Variants in DIS3L observed in about 807,000 individuals in gnomAD.
DIS3L encodes the protein DIS3 like exosome 3'-5' exoribonuclease.
DIS3L carries 100 observed loss-of-function variants against 120.3 expected under a neutral mutation model. That is an observed-to-expected ratio of 0.83 (90% CI 0.71 to 0.98). DIS3L has a LOEUF of 0.98. Ranked by LOEUF, DIS3L falls within the 50% of genes least tolerant of loss-of-function variation. The pLI is 0.00. For missense variants in DIS3L, 1,196 were observed against 1,314.2 expected (o/e 0.91, Z 1.39); for synonymous variants, 426 against 470.6 (o/e 0.91, Z 1.23).
Position 66,322,914 on chromosome 15 carries a change from T to C in DIS3L, c.1554T>C (p.Ile518=). 6.2e-7 allele frequency: 1 copy of C among 1,614,142 alleles called. No homozygotes were observed. Among genetic ancestry groups the C allele is most frequent in the Non-Finnish European group, 8.5e-7 (1 of 1,180,024 alleles). The stretch of plus-strand genomic sequence containing the variant: ...ACTTTGTGGCACCAAATTCTTACAT[T>C]GATATTGAAGCTAGAACAAGGTAAT... ...VTHFVAPNSY[I]DIEARTRATT... The change falls in exon 10 of 17, where the codon ATT becomes ATC. Residue 518 remains isoleucine (I), a synonymous_variant. Coordinates refer to ENST00000319212, the MANE Select transcript of DIS3L (RefSeq NM_001143688.3).
In DIS3L at chr15:66,329,133, T is replaced by C. The variant is rs1419198079; in HGVS notation, c.2356+9T>C. The C allele has an allele frequency of 1.2e-6, 2 of 1,607,490 alleles. No individual in the cohort carries two copies. Among genetic ancestry groups the C allele is most frequent in the African/African-American group, 1.3e-5 (1 of 74,608 alleles). On this transcript the variant is annotated intron_variant, in intron 13 of 16. Coordinates refer to ENST00000319212, the MANE Select transcript of DIS3L (RefSeq NM_001143688.3). The stretch of plus-strand genomic sequence containing the variant: ...GGAGTTCCATCATTACGGTGAATCA[T>C]ACCATATTCCTATGTGTGGCTGTAA...
At chr15:66,327,737 C>CT (rs1267971653) in intron 12 of DIS3L, among the ~76,000 whole-genome samples, 1 of 151,786 alleles carries the variant, frequency 6.6e-6, no homozygotes, top group Non-Finnish European at 1.5e-5. Context: ...GAGCGAGACT[C>CT]TGTCTCAAAA....
At position 66,318,503 on chromosome 15, in the gene DIS3L, C is replaced by T. The variant is rs949685611; in HGVS notation, c.1049C>T (p.Pro350Leu). ...TGGCGGGATTATGTGGTGACATTTC[C>T]GTCCAAAGAAGAGGTCCAATCTCAG... ...KNWRDYVVTF[P>L]SKEEVQSQGK... The change falls in exon 8 of 17, where the codon CCG (proline) becomes CTG (leucine). Residue 350 changes from proline (P) to leucine (L), a missense_variant. Physicochemically the swap from Pro to Leu is moderately conservative, Grantham distance 98. Coordinates refer to ENST00000319212, the MANE Select transcript of DIS3L (RefSeq NM_001143688.3). The T allele has an allele frequency of 1.1e-5, 18 of 1,613,834 alleles. No individual in the cohort carries two copies. Among genetic ancestry groups the T allele is most frequent in the African/African-American group, 4.0e-5 (3 of 74,854 alleles).
In DIS3L at chr15:66,329,395, A is replaced by AC. The variant is rs753740298; in HGVS notation, c.2533dup (p.Gln845ProfsTer12). The AC allele has an allele frequency of 3.8e-6, 6 of 1,597,756 alleles. No individual in the cohort carries two copies. The highest frequency in any genetic ancestry group is 1.8e-5 in the Admixed American group (1 of 55,822). On this transcript the variant is annotated frameshift_variant, in exon 14 of 17. Coordinates refer to ENST00000319212, the MANE Select transcript of DIS3L (RefSeq NM_001143688.3). LOFTEE classifies it high-confidence loss of function. ...TTATGCAGACATATCAACAACAGAA[A>AC]CCAAGTAAGAGGGAATTTCAAAATT...
intron 15 of DIS3L, among the ~76,000 whole-genome samples, chr15:66,332,500 G>GTGTGTGTA (rs2093010757): frequency 2.2e-5 from 3 of 134,174 alleles, no homozygotes; most frequent in Non-Finnish European, 3.4e-5. Flanking sequence ...GTGTGTGTGT[G>GTGTGTGTA]TGTGTGTGTG....
chr15:66,315,145 C>T lies in DIS3L; in HGVS notation c.924C>T (p.Thr308=), dbSNP rs140715812. The change falls in exon 7 of 17, where the codon ACC becomes ACT. Residue 308 remains threonine, a synonymous_variant. Transcript: ENST00000319212. ...CTAAAAATGAATGGAAAGGAAGAAC[C>T]GTAGCCCTGTGTGAGAATGACTGTG... is the stretch of plus-strand genomic sequence containing the variant. ...LLPKNEWKGR[T]VALCENDCDD... 3.1e-6 allele frequency: 5 copies of T among 1,613,922 alleles called. No homozygotes were observed. The highest frequency in any genetic ancestry group is 2.2e-5 in the East Asian group (1 of 44,894).
chr15:66,307,090 C>CTTA, intron 3 of DIS3L, 138 bp downstream of exon 3: 1 of 1,103,462 alleles, frequency 9.1e-7, no homozygotes, highest in Non-Finnish European at 1.3e-6. Flanking sequence ...CACCGAAATG[C>CTTA]TTACCATGTC....
At position 66,323,547 on chromosome 15, in the gene DIS3L, CAG is replaced by C; in HGVS notation, c.1630_1631del (p.Ser544CysfsTer11). 6.2e-7 allele frequency: 1 copy of C among 1,614,274 alleles called. No homozygotes were observed. Among genetic ancestry groups the C allele is most frequent in the South Asian group, 1.1e-5 (1 of 91,092 alleles). Reference sequence around the variant, plus strand: ...GCTATGACATGCTGCCTTCCGTCCTCAGTGCAGATTTGTGTTCCCTTCTGGGA... The same window carrying C: ...GCTATGACATGCTGCCTTCCGTCCTCTGCAGATTTGTGTTCCCTTCTGGGA... ...RRYDMLPSVL[S>X]ADLCSLLGGV... On this transcript the variant is annotated frameshift_variant, in exon 11 of 17. Transcript: ENST00000319212. LOFTEE classifies it high-confidence loss of function.
rs1404434525 is a variant in DIS3L, at chr15:66,326,164, C to T, written c.2001C>T (p.His667=). The part of the protein sequence containing the change: ...CVQLDDKKNI[H]DLIPKQPLEV... ...AGCTAGATGACAAAAAGAACATTCACGACCTCATCCCCAAGCAGCCCCTGG... is the reference window on the plus strand; with the variant it reads ...AGCTAGATGACAAAAAGAACATTCATGACCTCATCCCCAAGCAGCCCCTGG... Residue 667 remains histidine, a synonymous_variant, in exon 12 of 17, where the codon CAC becomes CAT. Transcript: ENST00000319212. 16 of 1,614,076 alleles carry T rather than the reference C, an allele frequency of 9.9e-6. No individual in the cohort carries two copies. The highest frequency in any genetic ancestry group is 1.6e-4 in the Middle Eastern group (1 of 6,084).
At chr15:66,309,392 A>T (rs1044793827) in intron 4 of DIS3L, among the ~76,000 whole-genome samples, 7 of 152,006 alleles carry the variant, frequency 4.6e-5, no homozygotes, top group African/African-American at 1.7e-4. Context: ...TAACATTTAT[A>T]ACTATAACAG....
chr15:66,324,338 C>T (rs1394374277), intron 11 of DIS3L, among the ~76,000 whole-genome samples: 1 of 152,080 alleles, frequency 6.6e-6, no homozygotes, highest in East Asian at 1.9e-4. Context: ...TTCACATTTT[C>T]ATTTTTATTT....
intron 7 of DIS3L, 145 bp downstream of exon 7, chr15:66,315,360 T>C: frequency 2.5e-6 from 2 of 808,438 alleles, no homozygotes; most frequent in Non-Finnish European, 3.6e-6. Flanking sequence ...GTGTATAATA[T>C]GATGATTTTT....
chr15:66,304,622 C>T lies in DIS3L; in HGVS notation c.294-2202C>T, dbSNP rs117463400. On this transcript the variant is annotated intron_variant, in intron 2 of 16. Transcript: ENST00000319212. ...TTTGTTTATTAAGATATTTTATGGC[C>T]GGGCGTGACGGCTTATGCCTATAAT... is the stretch of plus-strand genomic sequence containing the variant. Among the ~76,000 whole-genome samples the T allele has an allele frequency of 5.8e-3, 885 of 152,126 alleles. 4 individuals are homozygous for T. Among genetic ancestry groups the T allele is most frequent in the Non-Finnish European group, 0.01 (684 of 68,000 alleles).
chr15:66,308,122 T>C (rs1250325848), intron 3 of DIS3L, among the ~76,000 whole-genome samples: 1 of 152,138 alleles, frequency 6.6e-6, no homozygotes, highest in Non-Finnish European at 1.5e-5. Context: ...AGTGAGCCAT[T>C]GTTCACCACT....
intron 4 of DIS3L, among the ~76,000 whole-genome samples, 194 bp downstream of exon 4, chr15:66,309,038 G>A (rs1320695604): frequency 8.6e-6 from 1 of 116,736 alleles, no homozygotes; most frequent in Non-Finnish European, 1.8e-5. Flanking sequence ...GAGCTTAGGA[G>A]TTCAAGATCA....
At chr15:66,299,778 G>A (rs1042937133) in intron 2 of DIS3L, among the ~76,000 whole-genome samples, 32 of 152,124 alleles carry the variant, frequency 2.1e-4, no homozygotes, top group African/African-American at 7.2e-4. Flanking sequence ...ATACACAGCC[G>A]GGCGCGGTGG....
intron 5 of DIS3L, among the ~76,000 whole-genome samples, 160 bp from the exon 6 acceptor site, chr15:66,313,879 A>G (rs8033627): frequency 0.014 from 1,922 of 139,510 alleles, 36 homozygotes; most frequent in African/African-American, 0.053. Context: ...ATATATATAT[A>G]TGTGTGTGTA....
chr15:66,332,029 C>T lies in DIS3L; in HGVS notation c.2681+9C>T, dbSNP rs1240479489. 3 of 1,601,950 alleles carry T rather than the reference C, an allele frequency of 1.9e-6. No individual in the cohort carries two copies. The highest frequency in any genetic ancestry group is 1.3e-5 in the African/African-American group (1 of 74,830). The stretch of plus-strand genomic sequence containing the variant: ...CTTCTATTTATACCAAGGTATGTTA[C>T]ATCTAATGCAATGGTGCATAAGAAA... On this transcript the variant is annotated intron_variant, in intron 15 of 16. Transcript: ENST00000319212.
At chr15:66,301,315 C>T (rs1306886817) in intron 2 of DIS3L, among the ~76,000 whole-genome samples, 2 of 151,948 alleles carry the variant, frequency 1.3e-5, no homozygotes, top group Non-Finnish European at 2.9e-5. Flanking sequence ...GAGTCTCGCT[C>T]TGTCACCCAG....
Sources: gnomAD v4.1 joint callset for allele counts (sites outside exome capture counted in the v4.1 genomes callset) on GRCh38, gnomAD v4.1.1 for gene constraint, MANE v1.5 for transcripts, NCBI Gene and HGNC (gene_info 2026-07-23, HGNC 2026-07-21) for gene names.